DGKI: variants seen among roughly 807,000 people sequenced by gnomAD.
DGKI encodes DAG kinase iota.
In DGKI, 55 loss-of-function variants were observed where a neutral mutation model predicts 147.5. The ratio of observed to expected loss-of-function variants is 0.37; its 90% CI spans 0.30 to 0.47. The LOEUF is 0.47. DGKI is among the 20% of genes least tolerant of loss of function. The pLI, the probability that DGKI is intolerant of heterozygous loss-of-function variation, is 1.00. For missense variants in DGKI, 1,007 were observed against 1,323.8 expected, an observed-to-expected ratio of 0.76 and a Z score of 3.71; for synonymous variants, 469 against 477.1, an observed-to-expected ratio of 0.98 and a Z score of 0.22.
chr7:137,839,604 A>G (rs1798489046), intron 1 of DGKI, among the ~76,000 whole-genome samples: 1 of 152,250 alleles, frequency 6.6e-6, no homozygotes, highest in Admixed American at 6.5e-5. Flanking sequence ...TTTTGCAGGC[A>G]CACAGCAGGC....
intron 28 of DGKI, among the ~76,000 whole-genome samples, chr7:137,430,410 G>T (rs1046533750): frequency 1.4e-5 from 2 of 144,506 alleles, no homozygotes; most frequent in Middle Eastern, 3.6e-3. Flanking sequence ...ATTGTGGCGT[G>T]GGGGGAGGGG....
At chr7:137,580,402 A>C (rs1030656130) in intron 15 of DGKI, among the ~76,000 whole-genome samples, 1 of 152,110 alleles carries the variant, frequency 6.6e-6, no homozygotes, top group Non-Finnish European at 1.5e-5. Context: ...CCTAATATCC[A>C]AGAACTGTCT....
At chr7:137,816,902 T>C (rs769558396) in intron 1 of DGKI, among the ~76,000 whole-genome samples, 10 of 152,168 alleles carry the variant, frequency 6.6e-5, no homozygotes, top group Non-Finnish European at 1.2e-4. Flanking sequence ...TTCTTTGTTG[T>C]GAGGGGCCAT....
At chr7:137,678,104 A>G (rs1823098404) in intron 3 of DGKI, among the ~76,000 whole-genome samples, 1 of 152,156 alleles carries the variant, frequency 6.6e-6, no homozygotes, top group Non-Finnish European at 1.5e-5. Flanking sequence ...TTGTTAGCCT[A>G]CACCCATTCC....
chr7:137,666,431 A>C (rs1822643525), intron 3 of DGKI, among the ~76,000 whole-genome samples: 1 of 152,198 alleles, frequency 6.6e-6, no homozygotes, highest in Non-Finnish European at 1.5e-5. Flanking sequence ...AAACAAAAAA[A>C]CAGAAAGCTA....
intron 5 of DGKI, among the ~76,000 whole-genome samples, chr7:137,647,544 A>T (rs12536204): frequency 0.012 from 1,888 of 152,328 alleles, 139 homozygotes; most frequent in Admixed American, 0.11. Flanking sequence ...AATCGTAAAT[A>T]TCCACCTGGA....
chr7:137,795,821 G>T (rs1422552424), intron 1 of DGKI, among the ~76,000 whole-genome samples: 1 of 152,084 alleles, frequency 6.6e-6, no homozygotes, highest in Non-Finnish European at 1.5e-5. Flanking sequence ...AAAAAGTAGT[G>T]GGAAAGTTAT....
chr7:137,689,902 C>A lies in DGKI; in HGVS notation c.502G>T (p.Asp168Tyr). 1 of 1,585,932 alleles carries A rather than the reference C, an allele frequency of 6.3e-7. No individual in the cohort carries two copies. Among genetic ancestry groups the A allele is most frequent in the Non-Finnish European group, 8.6e-7 (1 of 1,168,700 alleles). ...GPAKEPRATL[D>Y]WSENAVNGEH... ...AAAAGGCCAACACCTACACTCCAGT[C>A]CAAAGTCGCTCTGGGCTCCTTGGCT... The change falls in exon 2 of 33, where the codon GAC (aspartate) becomes TAC (tyrosine). Residue 168 changes from aspartate (D) to tyrosine (Y), a missense_variant. Asp to Tyr is a radical substitution (Grantham distance 160). Transcript: ENST00000614521.
chr7:137,394,069 A>G (rs1237148466), intron 32 of DGKI, among the ~76,000 whole-genome samples: 1 of 152,118 alleles, frequency 6.6e-6, no homozygotes, highest in Non-Finnish European at 1.5e-5. Flanking sequence ...CCTCAACTAT[A>G]TATCAAGATT....
chr7:137,527,539 G>A (rs1391555314), intron 20 of DGKI, among the ~76,000 whole-genome samples: 1 of 152,138 alleles, frequency 6.6e-6, no homozygotes, highest in Non-Finnish European at 1.5e-5. Context: ...CTTAACTCAT[G>A]TTGAGACAAG....
chr7:137,818,572 G>A (rs987975125), intron 1 of DGKI, among the ~76,000 whole-genome samples: 1 of 152,108 alleles, frequency 6.6e-6, no homozygotes, highest in Non-Finnish European at 1.5e-5. Flanking sequence ...CTCCCAAGTA[G>A]CTGGGATTAT....
chr7:137,580,425 C>T (rs956602425), intron 15 of DGKI, among the ~76,000 whole-genome samples: 2 of 152,022 alleles, frequency 1.3e-5, no homozygotes, highest in African/African-American at 4.8e-5. Flanking sequence ...GGCAGGGAGG[C>T]GGAAAGTGGT....
chr7:137,429,726 A>C (rs1415612880), intron 28 of DGKI, among the ~76,000 whole-genome samples: 19 of 146,120 alleles, frequency 1.3e-4, no homozygotes, highest in African/African-American at 4.8e-4. Context: ...AAACAACCCC[A>C]TCAAAAAGTG....
intron 21 of DGKI, among the ~76,000 whole-genome samples, chr7:137,499,282 G>A (rs1021098256): frequency 1.3e-5 from 2 of 152,094 alleles, no homozygotes; most frequent in East Asian, 1.9e-4. Context: ...CAGGTACACC[G>A]GTGCCTATTT....
intron 1 of DGKI, among the ~76,000 whole-genome samples, chr7:137,738,372 A>C (rs1795083695): frequency 6.6e-6 from 1 of 152,158 alleles, no homozygotes. Context: ...AATGGGTTAT[A>C]CAAAGGAGAA....
Position 137,384,772 on chromosome 7 carries a change from T to G in DGKI, c.*6448A>C, listed in dbSNP as rs571270698. 2.5e-4 allele frequency: 38 copies of G among 152,238 alleles called. 1 individual carries two copies. Among genetic ancestry groups the G allele is most frequent in the African/African-American group, 9.1e-4 (38 of 41,558 alleles). The allele number at this position is 152,238 out of a possible 1,614,324, so 9.4% of individuals were successfully genotyped here. A position where few individuals can be genotyped will look rare whatever the true frequency, so the allele number is the denominator to read the frequency against. The stretch of plus-strand genomic sequence containing the variant: ...GTTTATACTGTCATAGAGTGAAAAC[T>G]ATATGTGTGTTTCACTAAAGGTCTG... On this transcript the variant is annotated 3_prime_UTR_variant, in exon 33 of 33. Transcript: ENST00000614521.
Position 137,384,400 on chromosome 7 carries a change from A to ACTT in DGKI, c.*6819_*6820insAAG, listed in dbSNP as rs1811128329. The ACTT allele has an allele frequency of 1.3e-5, 2 of 150,272 alleles. No individual in the cohort carries two copies. Among genetic ancestry groups the ACTT allele is most frequent in the African/African-American group, 4.9e-5 (2 of 41,052 alleles). The allele number at this position is 150,272 out of a possible 1,614,324, so 9.3% of individuals were successfully genotyped here. A position where few individuals can be genotyped will look rare whatever the true frequency, so the allele number is the denominator to read the frequency against. ...TCTTTCCGTGGAAACTTAGGTAAAC[A>ACTT]TTTTTTTTTCATGGAGGCAACTTCT... On this transcript the variant is annotated 3_prime_UTR_variant, in exon 33 of 33. Coordinates refer to ENST00000614521, the MANE Select transcript of DGKI (RefSeq NM_001321708.2).
At chr7:137,691,805 T>G (rs979000035) in intron 1 of DGKI, among the ~76,000 whole-genome samples, 12 of 125,198 alleles carry the variant, frequency 9.6e-5, no homozygotes, top group Non-Finnish European at 1.8e-4. Flanking sequence ...TGGGTTTTTT[T>G]TTTTTTTTTT....
At chr7:137,630,826 C>G (rs951575697) in intron 6 of DGKI, among the ~76,000 whole-genome samples, 2 of 152,006 alleles carry the variant, frequency 1.3e-5, no homozygotes, top group African/African-American at 2.4e-5. Flanking sequence ...CCTAGAACAC[C>G]AGGAAGGTTT....
Sources: allele counts gnomAD v4.1 joint callset (sites outside exome capture counted in the v4.1 genomes callset), GRCh38; gene constraint gnomAD v4.1.1; transcripts MANE v1.5; gene names NCBI Gene and HGNC (gene_info 2026-07-23, HGNC 2026-07-21).